CES5A: variants seen among roughly 807,000 people sequenced by gnomAD.
The protein encoded by CES5A is carboxylesterase 5.
Under a neutral mutation model 62.9 loss-of-function variants are expected in CES5A, and 67 were observed. The observed-to-expected ratio is 1.07, with a 90% CI of 0.88 to 1.31. The LOEUF is 1.31. Ranked by LOEUF, CES5A falls within the 50% of genes most tolerant of loss-of-function variation. CES5A has a pLI of 0.00. For missense variants in CES5A, 748 were observed against 708.5 expected (o/e 1.06, Z -0.63); for synonymous variants, 296 against 280.8 (o/e 1.05, Z -0.54).
intron 1 of CES5A, among the ~76,000 whole-genome samples, chr16:55,889,004 C>G (rs1202823359): frequency 5.9e-5 from 9 of 152,016 alleles, no homozygotes; most frequent in African/African-American, 2.2e-4. Flanking sequence ...ATGTGCTTCT[C>G]TCTTTAATTT....
intron 2 of CES5A, among the ~76,000 whole-genome samples, chr16:55,936,517 A>T (rs189254933): frequency 6.6e-6 from 1 of 152,290 alleles, no homozygotes; most frequent in African/African-American, 2.4e-5. Context: ...GGACCCAAGC[A>T]TACACCGGGT....
intron 12 of CES5A, 28 bp from the exon 13 acceptor site, chr16:55,846,710 A>C: frequency 6.2e-7 from 1 of 1,613,008 alleles, no homozygotes; most frequent in South Asian, 1.1e-5. Context: ...AACAGGGGTG[A>C]GATTTTCCTC....
chr16:55,869,900 T>A (rs1389441716), intron 3 of CES5A, among the ~76,000 whole-genome samples, 156 bp from the exon 4 acceptor site: 1 of 152,224 alleles, frequency 6.6e-6, no homozygotes, highest in Admixed American at 6.5e-5. Context: ...GGGTTAAGCA[T>A]GTGGGCTCTG....
chr16:55,885,360 T>C (rs2033804391), intron 1 of CES5A, among the ~76,000 whole-genome samples: 1 of 152,102 alleles, frequency 6.6e-6, no homozygotes, highest in Non-Finnish European at 1.5e-5. Flanking sequence ...CCACTTTCGT[T>C]GGTCTGAGAA....
chr16:55,920,593 T>C (rs1206307295), intron 1 of CES5A, among the ~76,000 whole-genome samples: 1 of 152,044 alleles, frequency 6.6e-6, no homozygotes, highest in Non-Finnish European at 1.5e-5. Flanking sequence ...TACCTAGAGT[T>C]GAAAATGAGT....
chr16:55,869,740 A>G lies in CES5A; in HGVS notation c.422T>C (p.Leu141Ser). 1.2e-6 allele frequency: 2 copies of G among 1,601,706 alleles called. No individual in the cohort carries two copies. The highest frequency in any genetic ancestry group is 1.7e-6 in the Non-Finnish European group (2 of 1,172,680). Residue 141 changes from leucine (L) to serine (S), a missense_variant, in exon 4 of 13, where the codon TTG becomes TCG. Physicochemically the swap from Leu to Ser is moderately radical, Grantham distance 145. Coordinates refer to ENST00000290567, the MANE Select transcript of CES5A (RefSeq NM_001143685.2). The stretch of plus-strand genomic sequence containing the variant: ...GAAGGCACCTCCTGGGAACCACACC[A>G]AGACCTGAGGAGGGGAGAAGAGCAT... ...HADTGSKLPV[L>S]VWFPGGAFKT...
intron 2 of CES5A, among the ~76,000 whole-genome samples, chr16:55,933,720 G>T (rs1436448932): frequency 6.6e-6 from 1 of 151,960 alleles, no homozygotes; most frequent in African/African-American, 2.4e-5. Flanking sequence ...TACCTCCACT[G>T]CTACTACCCT....
At chr16:55,914,966 CTT>C (rs1205520825) in intron 1 of CES5A, among the ~76,000 whole-genome samples, 2 of 151,570 alleles carry the variant, frequency 1.3e-5, no homozygotes, top group Non-Finnish European at 2.9e-5. Context: ...TATCACTACT[CTT>C]GTGTAAATCT....
chr16:55,912,823 G>A (rs1401586809), intron 1 of CES5A, among the ~76,000 whole-genome samples: 1 of 152,136 alleles, frequency 6.6e-6, no homozygotes, highest in East Asian at 1.9e-4. Context: ...GAAAACAGAG[G>A]CCCTGAGAGG....
In CES5A at chr16:55,875,194, G is replaced by T. The variant is rs200524157; in HGVS notation, c.28C>A (p.Gln10Lys). 22 of 1,613,944 alleles carry T rather than the reference G, an allele frequency of 1.4e-5. No individual in the cohort carries two copies. The East Asian group carries it at 4.9e-4, about 36-fold the overall frequency. ...ACCCAGATAGCCCAAATTAGGATCT[G>T]GCCTGGGTGCACCCAATTCCCACTC... MSGNWVHPG[Q>K]ILIWAIWVLA... Residue 10 changes from glutamine to lysine, a missense_variant, in exon 1 of 13, where the codon CAG becomes AAG. Gln to Lys is a moderately conservative substitution (Grantham distance 53). Coordinates refer to ENST00000290567, the MANE Select transcript of CES5A (RefSeq NM_001143685.2).
exon 2 of CES5A, chr16:55,949,848 G>A: frequency 6.6e-7 from 1 of 1,524,978 alleles, no homozygotes; most frequent in African/African-American, 1.4e-5. Flanking sequence ...GAGGAGGCTG[G>A]ATAAAAATAG....
At chr16:55,915,624 C>T (rs1244073034) in intron 1 of CES5A, among the ~76,000 whole-genome samples, 1 of 152,136 alleles carries the variant, frequency 6.6e-6, no homozygotes, top group Non-Finnish European at 1.5e-5. Context: ...TTAAGCTCCG[C>T]TAGAGGCCAC....
chr16:55,947,848 G>T (rs1331361406), intron 2 of CES5A, among the ~76,000 whole-genome samples: 1 of 152,094 alleles, frequency 6.6e-6, no homozygotes, highest in Non-Finnish European at 1.5e-5. Flanking sequence ...CAGGACAGCA[G>T]GGGAGGGCCA....
upstream of CES5A, among the ~76,000 whole-genome samples, chr16:55,876,726 A>G (rs1211263427): frequency 6.6e-6 from 1 of 152,244 alleles, no homozygotes; most frequent in Non-Finnish European, 1.5e-5. Context: ...ACAGCAGAGC[A>G]GAAGTGGTTG....
intron 1 of CES5A, among the ~76,000 whole-genome samples, chr16:55,885,791 A>G (rs1182140038): frequency 6.6e-6 from 1 of 152,212 alleles, no homozygotes; most frequent in Non-Finnish European, 1.5e-5. Flanking sequence ...GGAAGCCCGC[A>G]AAGTTCATTC....
At chr16:55,851,103 A>C (rs1458023785) in intron 10 of CES5A, among the ~76,000 whole-genome samples, 1 of 152,186 alleles carries the variant, frequency 6.6e-6, no homozygotes, top group Non-Finnish European at 1.5e-5. Context: ...TATATATGAC[A>C]CCAAAACCAC....
rs1392865030 is a variant in CES5A, at chr16:55,865,998, C to T, written c.670G>A (p.Gly224Ser). 14 of 1,614,092 alleles carry T rather than the reference C, an allele frequency of 8.7e-6. No homozygotes were observed. Among genetic ancestry groups the T allele is most frequent in the Non-Finnish European group, 1.1e-5 (13 of 1,180,040 alleles). ...ACACTTATGGCTCCCGCGGACTCGC[C>T]AAAGATGGTCACAGAGCTGGGGTCC... is the stretch of plus-strand genomic sequence containing the variant. ...GGDPSSVTIF[G>S]ESAGAISVSS... Residue 224 changes from glycine (G) to serine (S), a missense_variant, in exon 5 of 13, where the codon GGC becomes AGC. By Grantham distance (56) the Gly-to-Ser change is moderately conservative. Transcript: ENST00000290567.
At chr16:55,851,603 A>C (rs1363522659) in intron 10 of CES5A, among the ~76,000 whole-genome samples, 1 of 152,220 alleles carries the variant, frequency 6.6e-6, no homozygotes. Flanking sequence ...TTCTTCAAAG[A>C]AATTAAACAT....
At chr16:55,938,268 CT>C (rs1283032306) in intron 2 of CES5A, among the ~76,000 whole-genome samples, 3 of 152,160 alleles carry the variant, frequency 2.0e-5, no homozygotes, top group African/African-American at 7.2e-5. Flanking sequence ...CAGATGCAGA[CT>C]TGCAAACATG....
Sources: gnomAD v4.1 joint callset for allele counts (sites outside exome capture counted in the v4.1 genomes callset) on GRCh38, gnomAD v4.1.1 for gene constraint, MANE v1.5 for transcripts, NCBI Gene and HGNC (gene_info 2026-07-23, HGNC 2026-07-21) for gene names.